The following LANCL2 variants were observed in gnomAD, a reference collection of about 807,000 sequenced individuals.
LANCL2 encodes LanC like glutathione S-transferase 2.
LANCL2 carries 33 observed loss-of-function variants against 56.9 expected under a neutral mutation model. The ratio of observed to expected loss-of-function variants is 0.58; its 90% CI spans 0.44 to 0.78. The LOEUF (loss-of-function observed/expected upper bound fraction) is 0.78, where lower values mean the gene tolerates loss of function less well. LANCL2 is among the 30% of genes least tolerant of loss of function. The pLI, the probability that LANCL2 is intolerant of heterozygous loss-of-function variation, is 0.00. For missense variants in LANCL2, 562 were observed against 580.2 expected (o/e 0.97, Z 0.32); for synonymous variants, 233 against 228.2 (o/e 1.02, Z -0.19).
intron 1 of LANCL2, among the ~76,000 whole-genome samples, chr7:55,391,269 C>T (rs1000116584): frequency 2.0e-5 from 3 of 152,038 alleles, no homozygotes; most frequent in African/African-American, 7.2e-5. Flanking sequence ...CCGCCCGCCT[C>T]GGCCTCCCAA....
At chr7:55,393,482 G>C (rs984013258) in intron 2 of LANCL2, among the ~76,000 whole-genome samples, 1 of 152,046 alleles carries the variant, frequency 6.6e-6, no homozygotes, top group Non-Finnish European at 1.5e-5. Flanking sequence ...AGTGAGCTGA[G>C]ATCACATCAT....
At position 55,379,020 on chromosome 7, in the gene LANCL2, A is replaced by G. The variant is rs186494035; in HGVS notation, c.205-12773A>G. Among the ~76,000 whole-genome samples the G allele has an allele frequency of 4.7e-4, 72 of 152,276 alleles. No homozygotes were observed. In the East Asian group the frequency reaches 0.013, roughly 27 times the overall value. On this transcript the variant is annotated intron_variant, in intron 1 of 8. Coordinates refer to ENST00000254770, the MANE Select transcript of LANCL2 (RefSeq NM_018697.4). ...GTTGCAGGCGCCTGTAGTCCCAGCT[A>G]CTCGGGAAGCTGAGGCAGGAGAATG...
intron 1 of LANCL2, among the ~76,000 whole-genome samples, chr7:55,373,806 G>A (rs529166875): frequency 8.1e-4 from 124 of 152,260 alleles, no homozygotes; most frequent in South Asian, 1.2e-3. Flanking sequence ...TGACATTCCA[G>A]GCTACTGTAA....
chr7:55,409,068 A>AATT (rs1790443268), intron 5 of LANCL2, among the ~76,000 whole-genome samples: 1 of 151,854 alleles, frequency 6.6e-6, no homozygotes, highest in African/African-American at 2.4e-5. Flanking sequence ...TTGAAGCTAA[A>AATT]AGATAAATGG....
chr7:55,414,983 C>CAA (rs372708498), intron 6 of LANCL2, among the ~76,000 whole-genome samples: 6,757 of 61,862 alleles, frequency 0.11, 337 homozygotes, highest in Middle Eastern at 0.16. Flanking sequence ...GACCCTACCT[C>CAA]AAAAAAAAAA....
In LANCL2 at chr7:55,399,996, A is replaced by G; in HGVS notation, c.570A>G (p.Ser190=). ...AGAGATCGGTTGTCTGCCAAGAATCAGACCTTCCTGATGAGCTGCTTTATG... is the reference window on the plus strand; with the variant it reads ...AGAGATCGGTTGTCTGCCAAGAATCGGACCTTCCTGATGAGCTGCTTTATG... ...QLQRSVVCQE[S]DLPDELLYGR... The change falls in exon 4 of 9, where the codon TCA becomes TCG. Residue 190 remains serine (S), a synonymous_variant. Coordinates refer to ENST00000254770, the MANE Select transcript of LANCL2 (RefSeq NM_018697.4). 1.2e-6 allele frequency: 2 copies of G among 1,613,854 alleles called. No individual in the cohort carries two copies. The highest frequency in any genetic ancestry group is 1.3e-5 in the African/African-American group (1 of 75,058).
intron 1 of LANCL2, among the ~76,000 whole-genome samples, chr7:55,370,571 A>G (rs1279418845): frequency 6.6e-6 from 1 of 152,252 alleles, no homozygotes; most frequent in Non-Finnish European, 1.5e-5. Context: ...AATGAGTATT[A>G]CAGTAAGTGA....
intron 6 of LANCL2, among the ~76,000 whole-genome samples, chr7:55,421,339 C>T (rs1332533690): frequency 5.7e-5 from 6 of 104,634 alleles, no homozygotes; most frequent in South Asian, 3.4e-4. Context: ...TCTGTTGACT[C>T]TTTTTTTTTT....
At chr7:55,398,711 A>AT (rs1562863078) in intron 3 of LANCL2, 81 bp downstream of exon 3, 2 of 1,073,936 alleles carry the variant, frequency 1.9e-6, no homozygotes, top group East Asian at 5.0e-5. Context: ...AAAGGAAACT[A>AT]TTTTTCCATT....
At chr7:55,399,826 A>T in intron 3 of LANCL2, 131 bp from the exon 4 acceptor site, 2 of 655,442 alleles carry the variant, frequency 3.1e-6, no homozygotes, top group Non-Finnish European at 2.4e-6. Flanking sequence ...TGGATTTGGG[A>T]GTATTTTTAA....
chr7:55,397,558 A>T (rs1457981741), intron 2 of LANCL2, among the ~76,000 whole-genome samples: 1 of 151,834 alleles, frequency 6.6e-6, no homozygotes, highest in African/African-American at 2.4e-5. Flanking sequence ...CAACTTAAAC[A>T]TGAAAGAAAT....
intron 2 of LANCL2, chr7:55,396,812 C>G (rs1222594665): frequency 6.6e-6 from 1 of 152,122 alleles, no homozygotes; most frequent in Non-Finnish European, 1.5e-5. Flanking sequence ...AGATCAACAT[C>G]CTATTTTTAG....
chr7:55,373,562 A>G (rs1789969029), intron 1 of LANCL2, among the ~76,000 whole-genome samples: 1 of 152,074 alleles, frequency 6.6e-6, no homozygotes, highest in African/African-American at 2.4e-5. Context: ...AGCTTCCCAA[A>G]GTGTTGGGAT....
rs546963275 is a variant in LANCL2 at position 55,387,357 on chromosome 7, G to T, written c.205-4436G>T. Among the ~76,000 whole-genome samples the T allele has an allele frequency of 1.2e-4, 18 of 152,258 alleles. No individual in the cohort carries two copies. In the South Asian group the frequency reaches 3.5e-3, roughly 30 times the overall value. On this transcript the variant is annotated intron_variant, in intron 1 of 8. Coordinates refer to ENST00000254770, the MANE Select transcript of LANCL2 (RefSeq NM_018697.4). Reference sequence around the variant, plus strand: ...TTAATGTTGACCTTCAAAAAGAAACGTTTTAGCACTAGGCCACAATAACAG... The same window carrying T: ...TTAATGTTGACCTTCAAAAAGAAACTTTTTAGCACTAGGCCACAATAACAG...
chr7:55,415,476 T>C (rs1790517901), intron 6 of LANCL2, among the ~76,000 whole-genome samples: 1 of 152,236 alleles, frequency 6.6e-6, no homozygotes. Context: ...ATTTGAAACA[T>C]GGAATGTTTT....
chr7:55,392,684 C>T (rs551113067), intron 2 of LANCL2, among the ~76,000 whole-genome samples: 38 of 152,184 alleles, frequency 2.5e-4, no homozygotes, highest in Middle Eastern at 6.8e-3. Context: ...TGCTCTATGT[C>T]TTCAATGATG....
chr7:55,367,131 A>G (rs754152956), intron 1 of LANCL2, among the ~76,000 whole-genome samples: 2 of 152,230 alleles, frequency 1.3e-5, no homozygotes, highest in Non-Finnish European at 2.9e-5. Context: ...TTGGGATGGC[A>G]TACCCTGTCA....
At chr7:55,411,837 A>G (rs1790473074) in intron 5 of LANCL2, 70 bp from the exon 6 acceptor site, 1 of 1,375,670 alleles carries the variant, frequency 7.3e-7, no homozygotes, top group African/African-American at 1.5e-5. Flanking sequence ...ATGTTTTGTT[A>G]GCCATGATAC....
intron 6 of LANCL2, among the ~76,000 whole-genome samples, chr7:55,422,273 A>G (rs1319921680): frequency 6.6e-6 from 1 of 152,126 alleles, no homozygotes; most frequent in East Asian, 1.9e-4. Flanking sequence ...CTTTATTCTT[A>G]AATACAGTTT....
Sources: gnomAD v4.1 joint callset for allele counts (sites outside exome capture counted in the v4.1 genomes callset) on GRCh38, gnomAD v4.1.1 for gene constraint, MANE v1.5 for transcripts, NCBI Gene and HGNC (gene_info 2026-07-23, HGNC 2026-07-21) for gene names.